The following CCNC variants were observed in gnomAD, a reference collection of about 807,000 sequenced individuals.
CCNC encodes cyclin C.
CCNC carries 19 observed loss-of-function variants against 50.0 expected under a neutral mutation model. The ratio of observed to expected loss-of-function variants is 0.38; its 90% CI spans 0.27 to 0.56. The LOEUF (loss-of-function observed/expected upper bound fraction) is 0.56. Ranked by LOEUF, CCNC falls within the 20% of genes least tolerant of loss-of-function variation. The probability of loss-of-function intolerance (pLI) is 0.72; values close to 1 mark genes in which losing one functional copy is unlikely to be tolerated. For missense variants in CCNC, 200 were observed against 327.1 expected (o/e 0.61, Z 3.00); for synonymous variants, 93 against 103.7 (o/e 0.90, Z 0.63).
Position 99,546,704 on chromosome 6 carries a change from TG to T in CCNC, c.599-231del, listed in dbSNP as rs531178060. Among the ~76,000 whole-genome samples the T allele has an allele frequency of 2.0e-3, 306 of 152,276 alleles. 3 individuals carry two copies. The highest frequency in any genetic ancestry group is 6.2e-3 in the African/African-American group (259 of 41,554). On this transcript the variant is annotated intron_variant, in intron 9 of 11. Coordinates refer to ENST00000520429, the MANE Select transcript of CCNC (RefSeq NM_005190.4). Reference sequence around the variant, plus strand: ...TCTGGTCCTCACTGCGTGCTAGTCATGGTGCAGTTGCCTTGAGAGTCAGGCA... The same window carrying T: ...TCTGGTCCTCACTGCGTGCTAGTCATGTGCAGTTGCCTTGAGAGTCAGGCA...
intron 4 of CCNC, among the ~76,000 whole-genome samples, chr6:99,559,477 C>T (rs2114374970): frequency 6.6e-6 from 1 of 152,250 alleles, no homozygotes; most frequent in African/African-American, 2.4e-5. Context: ...CTTCAGCCTA[C>T]ATCCTTATCC....
intron 4 of CCNC, among the ~76,000 whole-genome samples, chr6:99,559,381 A>G (rs1562493199): frequency 6.6e-6 from 1 of 151,820 alleles, no homozygotes; most frequent in African/African-American, 2.4e-5. Flanking sequence ...AGATTTCTAA[A>G]GCCTTCACTT....
At chr6:99,544,394 C>A (rs1320197234) in intron 11 of CCNC, 7 of 790,066 alleles carry the variant, frequency 8.9e-6, no homozygotes, top group Non-Finnish European at 1.4e-5. Context: ...ATAAATCTAT[C>A]TTGTTATATA....
intron 10 of CCNC, among the ~76,000 whole-genome samples, chr6:99,545,635 A>C (rs1348444249): frequency 1.3e-5 from 2 of 152,236 alleles, no homozygotes; most frequent in African/African-American, 4.8e-5. Context: ...ACATACATTA[A>C]GGTGCTCAAA....
chr6:99,568,624 A>G lies in CCNC; in HGVS notation c.-97T>C, dbSNP rs540681466. 187 of 1,558,842 alleles carry G rather than the reference A, an allele frequency of 1.2e-4. No individual in the cohort carries two copies. The highest frequency in any genetic ancestry group is 1.5e-4 in the Non-Finnish European group (172 of 1,153,456). ...CGTCCGGTAACCGCGCTCCTCGATC[A>G]AATCAGCTCGGCTCGACTCCGCTCC... On this transcript the variant is annotated 5_prime_UTR_variant, in exon 1 of 12. Transcript: ENST00000520429.
intron 2 of CCNC, chr6:99,561,981 T>C: frequency 5.7e-6 from 1 of 175,052 alleles, no homozygotes; most frequent in Non-Finnish European, 1.2e-5. Flanking sequence ...CTTCTAAATA[T>C]TTTTAATGCT....
chr6:99,550,162 G>C lies in CCNC; in HGVS notation c.530+56C>G, dbSNP rs1424540570. ...AAAATACTTAACTTCATATTTAATT[G>C]TCAACCTTCCTATCTAATAACATGT... On this transcript the variant is annotated intron_variant, in intron 8 of 11. Transcript: ENST00000520429. The C allele has an allele frequency of 4.9e-6, 6 of 1,213,954 alleles. No individual in the cohort carries two copies. The African/African-American group carries it at 9.1e-5, about 18-fold the overall frequency. The allele number at this position is 1,213,954 out of a possible 1,614,324, so 75.2% of individuals were successfully genotyped here.
intron 8 of CCNC, 70 bp downstream of exon 8, chr6:99,550,148 C>CA: frequency 9.3e-7 from 1 of 1,077,728 alleles, no homozygotes. Context: ...AAATACTTAA[C>CA]TTCATATTTA....
At chr6:99,557,156 C>T (rs1369522988) in intron 5 of CCNC, 7 of 152,200 alleles carry the variant, frequency 4.6e-5, no homozygotes, top group Non-Finnish European at 7.3e-5. Context: ...CTACTTAATC[C>T]TTTCTGGATT....
At chr6:99,548,971 A>G (rs979671929) in intron 9 of CCNC, among the ~76,000 whole-genome samples, 1 of 152,144 alleles carries the variant, frequency 6.6e-6, no homozygotes, top group Non-Finnish European at 1.5e-5. Flanking sequence ...GGAAACAAAC[A>G]CGGAAAGGTC....
intron 10 of CCNC, 32 bp from the exon 11 acceptor site, chr6:99,545,262 G>T: frequency 9.4e-7 from 1 of 1,059,046 alleles, no homozygotes; most frequent in Non-Finnish European, 1.5e-6. Context: ...GTTCTCAGTG[G>T]CAAAAACAAG....
chr6:99,563,904 A>T lies in CCNC; in HGVS notation c.33-956T>A, dbSNP rs542145074. 5.5e-4 allele frequency among the ~76,000 whole-genome samples: 82 copies of T among 149,830 alleles called. 1 individual carries two copies. Among genetic ancestry groups the T allele is most frequent in the African/African-American group, 2.0e-3 (79 of 40,276 alleles). On this transcript the variant is annotated intron_variant, in intron 1 of 11. Transcript: ENST00000520429. ...AAATTAAGTAATTAATAGCTGGTAT[A>T]AAAAAAAACTCTCTTCCTACTATTT...
intron 5 of CCNC, 34 bp from the exon 6 acceptor site, chr6:99,551,929 A>T (rs1802317059): frequency 7.6e-7 from 1 of 1,320,524 alleles, no homozygotes; most frequent in Admixed American, 2.8e-5. Context: ...TAAACTGAGA[A>T]AATGGGAAAT....
chr6:99,559,150 ATT>A (rs1386732320), intron 4 of CCNC, among the ~76,000 whole-genome samples: 2 of 151,684 alleles, frequency 1.3e-5, no homozygotes, highest in African/African-American at 4.8e-5. Context: ...AAACAGTTGA[ATT>A]TGTGAATAAG....
At chr6:99,566,132 A>G (rs1321284943) in intron 1 of CCNC, among the ~76,000 whole-genome samples, 1 of 151,892 alleles carries the variant, frequency 6.6e-6, no homozygotes, top group African/African-American at 2.4e-5. Flanking sequence ...TCTCATTCCT[A>G]ATTTTGTATT....
At chr6:99,549,653 G>T in intron 8 of CCNC, 78 bp from the exon 9 acceptor site, 1 of 893,496 alleles carries the variant, frequency 1.1e-6, no homozygotes, top group Non-Finnish European at 1.8e-6. Context: ...GAGAGGGCCA[G>T]ATTTCCCATC....
At position 99,543,201 on chromosome 6, in the gene CCNC, G is replaced by A. The variant is rs1801944120; in HGVS notation, c.*354C>T. On this transcript the variant is annotated 3_prime_UTR_variant, in exon 12 of 12. Coordinates refer to ENST00000520429, the MANE Select transcript of CCNC (RefSeq NM_005190.4). ...TTTTTGGTCCCTCAATGACCAAAGA[G>A]AATTTTAAACAAATTATGCTTCATG... 6.2e-6 allele frequency: 1 copy of A among 160,894 alleles called. No homozygotes were observed. Among genetic ancestry groups the A allele is most frequent in the Non-Finnish European group, 1.4e-5 (1 of 73,706 alleles). 10.0% of individuals were successfully genotyped at this position (160,894 alleles called of 1,614,324 possible).
intron 5 of CCNC, among the ~76,000 whole-genome samples, chr6:99,555,706 T>C (rs1172983987): frequency 6.6e-6 from 1 of 152,126 alleles, no homozygotes; most frequent in Admixed American, 6.6e-5. Context: ...CCTCCCAAAG[T>C]GTTCGGATTA....
chr6:99,543,573 A>T lies in CCNC; in HGVS notation c.834T>A (p.Ser278=), dbSNP rs369707684. 6.2e-7 allele frequency: 1 copy of T among 1,613,326 alleles called. No individual in the cohort carries two copies. The highest frequency in any genetic ancestry group is 8.5e-7 in the Non-Finnish European group (1 of 1,179,564). The change falls in exon 12 of 12, where the codon TCT becomes TCA. Residue 278 remains serine, a synonymous_variant. Coordinates refer to ENST00000520429, the MANE Select transcript of CCNC (RefSeq NM_005190.4). Reference sequence around the variant, plus strand: ...GAATGTTTTAAGATTGGCTGTAGCTAGAGTTCTGACTTCCATTTGGACCCT... The same window carrying T: ...GAATGTTTTAAGATTGGCTGTAGCTTGAGTTCTGACTTCCATTTGGACCCT... The part of the protein sequence containing the change: ...GEQGPNGSQN[S]SYSQS
Sources: gnomAD v4.1 joint callset for allele counts (sites outside exome capture counted in the v4.1 genomes callset) on GRCh38, gnomAD v4.1.1 for gene constraint, MANE v1.5 for transcripts, NCBI Gene and HGNC (gene_info 2026-07-23, HGNC 2026-07-21) for gene names.